SOX5: variants seen among roughly 807,000 people sequenced by gnomAD.
The protein encoded by SOX5 is transcription factor SOX-5.
SOX5 carries 9 observed loss-of-function variants against 92.0 expected under a neutral mutation model. That is an observed-to-expected ratio of 0.10 (90% CI 0.06 to 0.17). The LOEUF (loss-of-function observed/expected upper bound fraction) is 0.17, where lower values mean the gene tolerates loss of function less well. Ranked by LOEUF, SOX5 falls within the 10% of genes least tolerant of loss-of-function variation. The pLI is 1.00. For missense variants in SOX5, 642 were observed against 944.5 expected (o/e 0.68, Z 4.20); for synonymous variants, 344 against 336.3 (o/e 1.02, Z -0.25).
intron 2 of SOX5, among the ~76,000 whole-genome samples, chr12:24,329,717 A>G (rs1309808421): frequency 6.6e-6 from 1 of 152,240 alleles, no homozygotes; most frequent in Non-Finnish European, 1.5e-5. Flanking sequence ...ATAAGGGAAA[A>G]TGGTATTTAA....
intron 2 of SOX5, among the ~76,000 whole-genome samples, chr12:24,289,702 G>A (rs1035521741): frequency 1.7e-5 from 2 of 120,632 alleles, no homozygotes; most frequent in African/African-American, 4.8e-5. Flanking sequence ...TGATCCGCCC[G>A]CCTCGGCCTC....
intron 2 of SOX5, among the ~76,000 whole-genome samples, chr12:24,336,125 C>T (rs1056058392): frequency 2.6e-5 from 4 of 151,080 alleles, no homozygotes; most frequent in African/African-American, 7.3e-5. Flanking sequence ...GACAGAGTCT[C>T]GCTCTGTCAC....
chr12:23,534,886 T>G (rs1939965175), intron 14 of SOX5, among the ~76,000 whole-genome samples: 1 of 151,996 alleles, frequency 6.6e-6, no homozygotes, highest in South Asian at 2.1e-4. Context: ...GCTTTTGTAT[T>G]TTTAGTACAG....
intron 4 of SOX5, among the ~76,000 whole-genome samples, chr12:24,092,646 G>T (rs12322120): frequency 0.28 from 41,933 of 152,080 alleles, 6,138 homozygotes; most frequent in Middle Eastern, 0.52. Flanking sequence ...CCTCAATTAA[G>T]GACCTTCATC....
chr12:24,524,289 G>C (rs890179992), intron 1 of SOX5, among the ~76,000 whole-genome samples: 29 of 152,062 alleles, frequency 1.9e-4, no homozygotes, highest in African/African-American at 6.5e-4. Flanking sequence ...CCTGTCATGG[G>C]ACTTCTCATC....
intron 3 of SOX5, among the ~76,000 whole-genome samples, chr12:23,783,592 G>A (rs752862094): frequency 3.3e-5 from 5 of 151,970 alleles, no homozygotes; most frequent in Admixed American, 6.6e-5. Flanking sequence ...TTTATTTTTT[G>A]TTCTAGCAAA....
At chr12:24,279,602 A>G (rs1319278864) in intron 2 of SOX5, among the ~76,000 whole-genome samples, 1 of 152,122 alleles carries the variant, frequency 6.6e-6, no homozygotes, top group Non-Finnish European at 1.5e-5. Flanking sequence ...TAGAGTTGAG[A>G]GAAAAAATTT....
At chr12:24,408,715 TG>T (rs1194495056) in intron 1 of SOX5, among the ~76,000 whole-genome samples, 3 of 152,254 alleles carry the variant, frequency 2.0e-5, no homozygotes, top group Non-Finnish European at 4.4e-5. Flanking sequence ...TAGTGTTCTA[TG>T]GTATGGATTG....
intron 7 of SOX5, 22 bp from the exon 8 acceptor site, chr12:23,640,919 G>A: frequency 6.6e-7 from 1 of 1,517,422 alleles, no homozygotes; most frequent in East Asian, 2.3e-5. Flanking sequence ...AATAATAGAG[G>A]CGTCAGCACC....
intron 3 of SOX5, among the ~76,000 whole-genome samples, chr12:24,270,581 A>G (rs545120360): frequency 1.1e-3 from 175 of 152,352 alleles, no homozygotes; most frequent in African/African-American, 4.0e-3. Context: ...GTAATAAAGC[A>G]CATGCCCATG....
chr12:23,649,278 T>C (rs2081258906), intron 7 of SOX5, among the ~76,000 whole-genome samples: 2 of 151,328 alleles, frequency 1.3e-5, no homozygotes, highest in South Asian at 4.2e-4. Context: ...GAAGCTGCTG[T>C]AAGAAAAAAA....
At chr12:24,428,891 T>C (rs572946248) in intron 1 of SOX5, among the ~76,000 whole-genome samples, 1 of 152,082 alleles carries the variant, frequency 6.6e-6, no homozygotes, top group African/African-American at 2.4e-5. Flanking sequence ...CCTGACTGAG[T>C]TCAAATACCA....
intron 2 of SOX5, among the ~76,000 whole-genome samples, chr12:24,280,346 G>A (rs375140010): frequency 6.6e-6 from 1 of 152,136 alleles, no homozygotes. Flanking sequence ...GGAGGAGCAC[G>A]CAGGTAGCTT....
intron 2 of SOX5, among the ~76,000 whole-genome samples, chr12:24,340,395 G>C (rs901792898): frequency 6.6e-6 from 1 of 152,178 alleles, no homozygotes; most frequent in African/African-American, 2.4e-5. Flanking sequence ...TTGCTATCCA[G>C]GGAACTAAAA....
At chr12:24,131,162 AT>A (rs1390441485) in intron 4 of SOX5, among the ~76,000 whole-genome samples, 1 of 152,212 alleles carries the variant, frequency 6.6e-6, no homozygotes, top group East Asian at 1.9e-4. Context: ...AGAGGTGAAG[AT>A]AGTAAACCAG....
intron 6 of SOX5, among the ~76,000 whole-genome samples, chr12:23,698,712 T>C (rs1448430075): frequency 6.6e-6 from 1 of 152,186 alleles, no homozygotes; most frequent in African/African-American, 2.4e-5. Context: ...ATAAAACATT[T>C]TGAATTTCAT....
intron 4 of SOX5, among the ~76,000 whole-genome samples, chr12:23,751,655 C>T (rs2094184709): frequency 6.6e-6 from 1 of 151,880 alleles, no homozygotes; most frequent in South Asian, 2.1e-4. Flanking sequence ...TTGCCCATGT[C>T]TTTAATTCAT....
At chr12:24,163,813 T>C (rs1953062835) in intron 4 of SOX5, among the ~76,000 whole-genome samples, 2 of 152,038 alleles carry the variant, frequency 1.3e-5, no homozygotes, top group African/African-American at 4.8e-5. Flanking sequence ...CTCTCTCTCT[T>C]TCTCTCTGTC....
At chr12:23,947,764 T>G (rs1190154202) in intron 1 of SOX5, among the ~76,000 whole-genome samples, 5 of 149,758 alleles carry the variant, frequency 3.3e-5, no homozygotes, top group African/African-American at 1.2e-4. Flanking sequence ...AGCATCAGAA[T>G]AGGAAAGGGA....
Sources: gnomAD v4.1 joint callset for allele counts (sites outside exome capture counted in the v4.1 genomes callset) on GRCh38, gnomAD v4.1.1 for gene constraint, MANE v1.5 for transcripts, NCBI Gene and HGNC (gene_info 2026-07-23, HGNC 2026-07-21) for gene names.